AFF1: variants seen among roughly 807,000 people sequenced by gnomAD.
AFF1 encodes the protein ALF transcription elongation factor 1, also known as AF4/FMR2 family member 1.
AFF1 carries 48 observed loss-of-function variants against 121.7 expected under a neutral mutation model. The observed-to-expected ratio is 0.39, with a 90% CI of 0.31 to 0.50. AFF1 has a LOEUF of 0.50. AFF1 is among the 20% of genes least tolerant of loss of function. AFF1 has a pLI of 0.76. For synonymous variants in AFF1, 613 were observed against 563.0 expected, an observed-to-expected ratio of 1.09 and a Z score of -1.26; for missense variants, 1,523 against 1,511.7, an observed-to-expected ratio of 1.01 and a Z score of -0.12.
intron 2 of AFF1, among the ~76,000 whole-genome samples, chr4:87,018,675 TTTGA>T (rs1727593203): frequency 1.3e-5 from 2 of 152,202 alleles, no homozygotes; most frequent in South Asian, 2.1e-4. Flanking sequence ...GAAATAAAAA[TTTGA>T]TTGTTTTAGT....
At chr4:87,047,859 G>T in intron 4 of AFF1, 1 of 536,126 alleles carries the variant, frequency 1.9e-6, no homozygotes, top group East Asian at 3.4e-5. Context: ...AAAACATAGA[G>T]ATCATAAGAG....
At chr4:87,033,662 T>C (rs1729279107) in intron 2 of AFF1, among the ~76,000 whole-genome samples, 1 of 152,208 alleles carries the variant, frequency 6.6e-6, no homozygotes, top group South Asian at 2.1e-4. Flanking sequence ...CCTTTTAAAA[T>C]CACCTTGGGG....
At chr4:86,954,542 A>G (rs1721605789) in intron 2 of AFF1, among the ~76,000 whole-genome samples, 1 of 152,170 alleles carries the variant, frequency 6.6e-6, no homozygotes, top group Non-Finnish European at 1.5e-5. Context: ...CCTGGGCAAC[A>G]TGGTTAAACC....
intron 4 of AFF1, among the ~76,000 whole-genome samples, chr4:87,052,781 A>G (rs1416571340): frequency 6.6e-6 from 1 of 151,966 alleles, no homozygotes; most frequent in Non-Finnish European, 1.5e-5. Context: ...TGTACGTGGT[A>G]TGAAGTGGAC....
At chr4:86,963,989 CAA>C (rs1722346976) in intron 2 of AFF1, among the ~76,000 whole-genome samples, 1 of 80,234 alleles carries the variant, frequency 1.2e-5, no homozygotes. Flanking sequence ...TTTTTTAGTA[CAA>C]TTTTTTTGTA....
chr4:86,955,711 G>A (rs2149460736), intron 2 of AFF1, among the ~76,000 whole-genome samples: 1 of 152,258 alleles, frequency 6.6e-6, no homozygotes, highest in East Asian at 1.9e-4. Flanking sequence ...ACCACCAAAT[G>A]GGTGGGACAT....
intron 2 of AFF1, among the ~76,000 whole-genome samples, chr4:86,951,583 T>C (rs940852263): frequency 6.6e-6 from 1 of 151,742 alleles, no homozygotes; most frequent in Non-Finnish European, 1.5e-5. Flanking sequence ...AGATGGGGGA[T>C]GTTAGGGAAC....
At chr4:87,044,256 G>A (rs1169517472) in intron 2 of AFF1, among the ~76,000 whole-genome samples, 3 of 152,146 alleles carry the variant, frequency 2.0e-5, no homozygotes, top group African/African-American at 7.2e-5. Flanking sequence ...ATTTTTGCAT[G>A]TGTCTTCCAG....
rs1729327541 is a variant in AFF1, at chr4:87,136,689, A to G, written c.*988A>G. The G allele has an allele frequency of 4.3e-6, 1 of 230,006 alleles. No individual in the cohort carries two copies. Among genetic ancestry groups the G allele is most frequent in the Non-Finnish European group, 8.6e-6 (1 of 116,036 alleles). 14.2% of individuals were successfully genotyped at this position (230,006 alleles called of 1,614,324 possible). A position where few individuals can be genotyped will look rare whatever the true frequency, so the allele number is the denominator to read the frequency against. On this transcript the variant is annotated 3_prime_UTR_variant, in exon 21 of 21. Transcript: ENST00000395146. Reference sequence around the variant, plus strand: ...AATTTGAGGTGCTGATCTGTGGTCTACAGTTATGTGGTAACTCATGTTGTC... The same window carrying G: ...AATTTGAGGTGCTGATCTGTGGTCTGCAGTTATGTGGTAACTCATGTTGTC...
chr4:87,041,122 C>T (rs1162009484), intron 2 of AFF1, among the ~76,000 whole-genome samples: 1 of 152,040 alleles, frequency 6.6e-6, no homozygotes, highest in African/African-American at 2.4e-5. Flanking sequence ...AGTGATCCGC[C>T]CACCTTGGCC....
chr4:87,072,574 T>C (rs1722193497), intron 4 of AFF1, among the ~76,000 whole-genome samples: 1 of 151,974 alleles, frequency 6.6e-6, no homozygotes, highest in Non-Finnish European at 1.5e-5. Context: ...CAGGCTGGAG[T>C]GCAGTGGCAC....
chr4:86,949,609 A>G, intron 2 of AFF1: 1 of 1,352,962 alleles, frequency 7.4e-7, no homozygotes. Context: ...TGTGGGCCCC[A>G]CTCCTCCCCC....
intron 4 of AFF1, among the ~76,000 whole-genome samples, chr4:87,072,228 T>C (rs1375525847): frequency 6.6e-6 from 1 of 151,856 alleles, no homozygotes; most frequent in African/African-American, 2.4e-5. Flanking sequence ...CTGGGCCTGG[T>C]GGCGGGCGCC....
Position 87,047,497 on chromosome 4 carries a change from C to T in AFF1, c.962C>T (p.Pro321Leu), listed in dbSNP as rs376264037. 2.3e-5 allele frequency: 37 copies of T among 1,614,140 alleles called. No individual in the cohort carries two copies. Among genetic ancestry groups the T allele is most frequent in the Non-Finnish European group, 2.9e-5 (34 of 1,180,020 alleles). ...PSESPELKPL[P>L]EDYRQQTFEK... Reference sequence around the variant, plus strand: ...GAATCCCCTGAACTGAAACCACTGCCGGAGGACTATCGACAGCAGACCTTT... The same window carrying T: ...GAATCCCCTGAACTGAAACCACTGCTGGAGGACTATCGACAGCAGACCTTT... The change falls in exon 4 of 21, where the codon CCG (proline) becomes CTG (leucine). Residue 321 changes from proline to leucine, a missense_variant. This residue lies in a region of AFF1 where 905 missense variants were observed against 842.5 expected (regional missense o/e 1.07). Transcript: ENST00000395146.
Position 86,948,704 on chromosome 4 carries a change from C to G in AFF1, c.38+133C>G. On this transcript the variant is annotated intron_variant, in intron 2 of 20. Transcript: ENST00000395146. Reference sequence around the variant, plus strand: ...GGTGCAAGAAAATGTTTGAAATTTTCAGTTTTCTCTACATGAAGTCAAACT... The same window carrying G: ...GGTGCAAGAAAATGTTTGAAATTTTGAGTTTTCTCTACATGAAGTCAAACT... 3.5e-6 allele frequency: 3 copies of G among 845,932 alleles called. No homozygotes were observed. The South Asian group carries it at 5.9e-5, about 17-fold the overall frequency. The allele number at this position is 845,932 out of a possible 1,614,324, so 52.4% of individuals were successfully genotyped here. A position where few individuals can be genotyped will look rare whatever the true frequency, so the allele number is the denominator to read the frequency against.
chr4:87,017,715 A>G (rs897708087), intron 2 of AFF1, among the ~76,000 whole-genome samples: 3 of 152,230 alleles, frequency 2.0e-5, no homozygotes, highest in East Asian at 1.9e-4. Context: ...ACATGCAAAG[A>G]TAAGTTATCT....
intron 2 of AFF1, among the ~76,000 whole-genome samples, chr4:86,988,738 A>G (rs13126334): frequency 0.43 from 65,039 of 152,064 alleles, 16,627 homozygotes; most frequent in South Asian, 0.65. Context: ...AACGAAGACA[A>G]TCCTAAGCAA....
At chr4:87,095,564 A>G (rs1253292426) in intron 8 of AFF1, among the ~76,000 whole-genome samples, 1 of 152,214 alleles carries the variant, frequency 6.6e-6, no homozygotes, top group African/African-American at 2.4e-5. Context: ...TTAAGATGTC[A>G]TTCTTTAATA....
intron 2 of AFF1, among the ~76,000 whole-genome samples, chr4:86,957,549 TTC>T (rs1721829346): frequency 6.6e-6 from 1 of 152,178 alleles, no homozygotes; most frequent in African/African-American, 2.4e-5. Context: ...AAATTTTTTT[TTC>T]TTTTTTCTTG....
Sources: allele counts gnomAD v4.1 joint callset (sites outside exome capture counted in the v4.1 genomes callset), GRCh38; gene constraint gnomAD v4.1.1; regional missense constraint gnomAD v4.1.1; transcripts MANE v1.5; gene names NCBI Gene and HGNC (gene_info 2026-07-23, HGNC 2026-07-21).